SERPINA5: variants seen among roughly 807,000 people sequenced by gnomAD.
The protein encoded by SERPINA5 is serpin family A member 5.
Under a neutral mutation model 25.3 loss-of-function variants are expected in SERPINA5, and 25 were observed. The ratio of observed to expected loss-of-function variants is 0.99; its 90% CI spans 0.72 to 1.38. SERPINA5 has a LOEUF of 1.38. Among genes scored for constraint, SERPINA5 ranks in the 40% most tolerant of loss-of-function variants. The pLI, the probability that SERPINA5 is intolerant of heterozygous loss-of-function variation, is 0.00. For missense variants in SERPINA5, 599 were observed against 509.5 expected, an observed-to-expected ratio of 1.18 and a Z score of -1.69; for synonymous variants, 234 against 206.2, an observed-to-expected ratio of 1.14 and a Z score of -1.16.
chr14:94,590,371 G>A lies in SERPINA5; in HGVS notation c.890+60G>A, dbSNP rs771519170. ...CACACAGCCCCAGGGAGACACACAC[G>A]CCCTACCAGGGCCACACAGCACTGG... On this transcript the variant is annotated intron_variant, in intron 4 of 5. Transcript: ENST00000329597. The A allele has an allele frequency of 2.5e-5, 38 of 1,519,770 alleles. No individual in the cohort carries two copies. The East Asian group carries it at 7.5e-4, about 30-fold the overall frequency. 94.1% of individuals were successfully genotyped at this position (1,519,770 alleles called of 1,614,324 possible).
chr14:94,586,240 G>A (rs1345262349), intron 2 of SERPINA5, among the ~76,000 whole-genome samples: 1 of 152,218 alleles, frequency 6.6e-6, no homozygotes, highest in African/African-American at 2.4e-5. Flanking sequence ...ACAAAGATGA[G>A]TGCCTCCTCA....
intron 2 of SERPINA5, chr14:94,582,027 G>A (rs1238892572): frequency 6.6e-6 from 1 of 152,198 alleles, no homozygotes; most frequent in African/African-American, 2.4e-5. Flanking sequence ...TGTTTTCTGT[G>A]CCTGGAGTCT....
chr14:94,584,715 C>T (rs982799250), intron 2 of SERPINA5, among the ~76,000 whole-genome samples: 2 of 152,142 alleles, frequency 1.3e-5, no homozygotes, highest in African/African-American at 2.4e-5. Context: ...TGCCCCTGGG[C>T]TGTATCCAAT....
intron 2 of SERPINA5, among the ~76,000 whole-genome samples, chr14:94,585,072 G>A (rs1885031132): frequency 6.6e-6 from 1 of 152,048 alleles, no homozygotes; most frequent in Non-Finnish European, 1.5e-5. Flanking sequence ...ATGCAGCCAG[G>A]AAAAGAGGAG....
chr14:94,592,414 G>A lies in SERPINA5; in HGVS notation c.*175G>A, dbSNP rs865854756. On this transcript the variant is annotated 3_prime_UTR_variant, in exon 6 of 6. Transcript: ENST00000329597. ...TCCACCCACACGACTGCAACATACA[G>A]GTGCCTTGGGGAAATGTGGAGAACA... is the stretch of plus-strand genomic sequence containing the variant. The A allele has an allele frequency of 1.6e-6, 1 of 612,170 alleles. No homozygotes were observed. The highest frequency in any genetic ancestry group is 2.8e-6 in the Non-Finnish European group (1 of 359,672). 37.9% of individuals were successfully genotyped at this position (612,170 alleles called of 1,614,324 possible).
chr14:94,591,248 A>ATCCACTCCACTCC (rs1242235522), intron 5 of SERPINA5, among the ~76,000 whole-genome samples: 3 of 58,070 alleles, frequency 5.2e-5, no homozygotes, highest in South Asian at 1.1e-3. Context: ...CACTCCACTC[A>ATCCACTCCACTCC]TCCACTCCAC....
intron 5 of SERPINA5, 31 bp downstream of exon 5, chr14:94,590,927 C>T (rs1483747354): frequency 6.3e-7 from 1 of 1,594,292 alleles, no homozygotes; most frequent in Non-Finnish European, 8.6e-7. Context: ...GCATCTGCTT[C>T]CCAAGGTCTA....
intron 2 of SERPINA5, among the ~76,000 whole-genome samples, chr14:94,585,589 A>AC: frequency 6.6e-6 from 1 of 152,274 alleles, no homozygotes; most frequent in South Asian, 2.1e-4. Flanking sequence ...GGATGCTGTG[A>AC]CAGGCTGCCC....
chr14:94,589,434 C>A (rs1032105469), intron 3 of SERPINA5, among the ~76,000 whole-genome samples: 3 of 148,700 alleles, frequency 2.0e-5, no homozygotes, highest in Non-Finnish European at 1.5e-5. Context: ...GGTCACAGAG[C>A]GAGACTCCAT....
rs754987126 is a variant in SERPINA5, at chr14:94,587,455, C to T, written c.93C>T (p.Val31=). 26 of 1,614,186 alleles carry T rather than the reference C, an allele frequency of 1.6e-5. 1 individual carries two copies. The highest frequency in any genetic ancestry group is 1.6e-4 in the Middle Eastern group (1 of 6,062). ...ACCCCCGGGAGATGAAGAAGAGAGT[C>T]GAGGACCTCCATGTAGGTGCCACGG... ...RHHPREMKKR[V]EDLHVGATVA... Residue 31 remains valine, a synonymous_variant, in exon 3 of 6, where the codon GTC becomes GTT. Coordinates refer to ENST00000329597, the MANE Select transcript of SERPINA5 (RefSeq NM_000624.6).
chr14:94,585,557 G>A (rs1342567167), intron 2 of SERPINA5, among the ~76,000 whole-genome samples: 1 of 152,206 alleles, frequency 6.6e-6, no homozygotes, highest in Non-Finnish European at 1.5e-5. Flanking sequence ...GCCCTTTGGA[G>A]TTTGGTTTTA....
rs148059962 is a variant in SERPINA5, at chr14:94,592,080, G to A, written c.1062G>A (p.Glu354=). 15 of 1,613,494 alleles carry A rather than the reference G, an allele frequency of 9.3e-6. No individual in the cohort carries two copies. In the African/African-American group the frequency reaches 1.7e-4, roughly 19 times the overall value. Residue 354 remains glutamate, a synonymous_variant, in exon 6 of 6, where the codon GAG becomes GAA. Coordinates refer to ENST00000329597, the MANE Select transcript of SERPINA5 (RefSeq NM_000624.6). ...VSEMVHKAVV[E]VDESGTRAAA... ...AGATGGTGCACAAAGCTGTGGTGGA[G>A]GTGGACGAGTCGGGAACCAGAGCAG...
chr14:94,589,975 T>C, intron 3 of SERPINA5, 66 bp from the exon 4 acceptor site: 1 of 1,456,496 alleles, frequency 6.9e-7, no homozygotes, highest in Non-Finnish European at 9.3e-7. Flanking sequence ...CTCCTTTTAT[T>C]TGCAGCTGAG....
At position 94,592,383 on chromosome 14, in the gene SERPINA5, A is replaced by T. The variant is rs1885334811; in HGVS notation, c.*144A>T. 1 of 803,704 alleles carries T rather than the reference A, an allele frequency of 1.2e-6. No individual in the cohort carries two copies. The highest frequency in any genetic ancestry group is 1.9e-6 in the Non-Finnish European group (1 of 515,820). 49.8% of individuals were successfully genotyped at this position (803,704 alleles called of 1,614,324 possible). A position where few individuals can be genotyped will look rare whatever the true frequency, so the allele number is the denominator to read the frequency against. On this transcript the variant is annotated 3_prime_UTR_variant, in exon 6 of 6. Transcript: ENST00000329597. Reference sequence around the variant, plus strand: ...TTACAAATAATATTACTCTATGATGATTGCTTCCACCCACACGACTGCAAC... The same window carrying T: ...TTACAAATAATATTACTCTATGATGTTTGCTTCCACCCACACGACTGCAAC...
At position 94,590,884 on chromosome 14, in the gene SERPINA5, C is replaced by T. The variant is rs1885255185; in HGVS notation, c.1026C>T (p.Ile342=). 1 of 1,611,436 alleles carries T rather than the reference C, an allele frequency of 6.2e-7. No individual in the cohort carries two copies. Residue 342 remains isoleucine, a synonymous_variant, in exon 5 of 6, where the codon ATC becomes ATT. Transcript: ENST00000329597. Reference sequence around the variant, plus strand: ...CCGGCATCAGCAACCACTCAAATATCCAGGTGTCTGAGGTGGGTTCAGAAG... The same window carrying T: ...CCGGCATCAGCAACCACTCAAATATTCAGGTGTCTGAGGTGGGTTCAGAAG... ...DLSGISNHSN[I]QVSEMVHKAV... is the part of the protein sequence containing the mutation.
Position 94,590,841 on chromosome 14 carries a change from C to T in SERPINA5, c.983C>T (p.Thr328Ile). Residue 328 changes from threonine (T) to isoleucine (I), a missense_variant, in exon 5 of 6, where the codon ACC (threonine) becomes ATC (isoleucine). Physicochemically the swap from Thr to Ile is moderately conservative, Grantham distance 89 (BLOSUM62 -1). Transcript: ENST00000329597. ...AGTCTGGGGATCAGTAACGTCTTCA[C>T]CTCCCATGCTGATCTGTCCGGCATC... Reference protein sequence around the residue: ...LPSLGISNVFTSHADLSGISN... With the variant: ...LPSLGISNVFISHADLSGISN... 6 of 1,614,102 alleles carry T rather than the reference C, an allele frequency of 3.7e-6. No homozygotes were observed. The highest frequency in any genetic ancestry group is 5.1e-6 in the Non-Finnish European group (6 of 1,179,980).
chr14:94,590,547 GC>G, intron 4 of SERPINA5: 1 of 785,858 alleles, frequency 1.3e-6, no homozygotes, highest in Non-Finnish European at 1.9e-6. Context: ...CCTCTGGGCA[GC>G]CCACGTCCAA....
rs140138746 is a variant in SERPINA5 at position 94,590,103 on chromosome 14, G to T, written c.682G>T (p.Glu228Ter). 2 of 1,613,480 alleles carry T rather than the reference G, an allele frequency of 1.2e-6. No individual in the cohort carries two copies. The highest frequency in any genetic ancestry group is 1.3e-5 in the African/African-American group (1 of 74,892). The change falls in exon 4 of 6, where the codon GAG becomes TAG. Residue 228 changes from glutamate to a stop codon, truncating the protein, a stop_gained. Transcript: ENST00000329597. LOFTEE classifies it high-confidence loss of function. Reference protein sequence around the residue: ...TQEQDFYVTSETVVRVPMMSR... With the variant: ...TQEQDFYVTS Reference sequence around the variant, plus strand: ...AGAGCAAGACTTCTACGTGACCTCGGAGACTGTGGTGCGGGTACCCATGAT... The same window carrying T: ...AGAGCAAGACTTCTACGTGACCTCGTAGACTGTGGTGCGGGTACCCATGAT...
chr14:94,587,601 C>G lies in SERPINA5; in HGVS notation c.239C>G (p.Ser80Cys). 1 of 1,614,086 alleles carries G rather than the reference C, an allele frequency of 6.2e-7. No individual in the cohort carries two copies. Among genetic ancestry groups the G allele is most frequent in the Non-Finnish European group, 8.5e-7 (1 of 1,179,966 alleles). The part of the protein sequence containing the change: ...VSISMSLAML[S>C]LGAGSSTKMQ... ...ATCTCCATGAGCCTGGCCATGCTCT[C>G]CCTGGGGGCTGGGTCCAGCACAAAG... is the stretch of plus-strand genomic sequence containing the variant. Residue 80 changes from serine (S) to cysteine (C), a missense_variant, in exon 3 of 6, where the codon TCC (serine) becomes TGC (cysteine). Physicochemically the swap from Ser to Cys is moderately radical, Grantham distance 112 (BLOSUM62 -1). Transcript: ENST00000329597.
Sources: allele counts gnomAD v4.1 joint callset (sites outside exome capture counted in the v4.1 genomes callset), GRCh38; gene constraint gnomAD v4.1.1; transcripts MANE v1.5; gene names NCBI Gene and HGNC (gene_info 2026-07-23, HGNC 2026-07-21).